EFCAB8: variants seen among roughly 807,000 people sequenced by gnomAD.
EFCAB8 encodes the protein EF-hand calcium-binding domain-containing protein 8.
Under a neutral mutation model 116.3 loss-of-function variants are expected in EFCAB8, and 100 were observed. The ratio of observed to expected loss-of-function variants is 0.86; its 90% CI spans 0.73 to 1.02. EFCAB8 has a LOEUF of 1.02. EFCAB8 is among the 50% of genes least tolerant of loss of function. EFCAB8 has a pLI of 0.00. For missense variants in EFCAB8, 1,320 were observed against 1,416.9 expected (o/e 0.93, Z 1.10); for synonymous variants, 558 against 567.9 (o/e 0.98, Z 0.25).
chr20:32,886,726 G>A (rs1298829215), intron 6 of EFCAB8, among the ~76,000 whole-genome samples: 3 of 152,192 alleles, frequency 2.0e-5, no homozygotes, highest in African/African-American at 7.2e-5. Context: ...GGTCACCAAA[G>A]CACCTCCAAA....
intron 22 of EFCAB8, among the ~76,000 whole-genome samples, chr20:32,932,063 T>G (rs1399039538): frequency 6.6e-6 from 1 of 152,122 alleles, no homozygotes; most frequent in Non-Finnish European, 1.5e-5. Flanking sequence ...GATCATGCAG[T>G]TGTATTCAGT....
Position 32,889,318 on chromosome 20 carries a change from G to C in EFCAB8, c.585G>C (p.Gln195His), listed in dbSNP as rs529027446. 1.3e-6 allele frequency: 2 copies of C among 1,551,656 alleles called. No homozygotes were observed. The highest frequency in any genetic ancestry group is 2.0e-5 in the Admixed American group (1 of 50,994). ...MSSFRLNQTQ[Q>H]LYNQPMWVID... is the part of the protein sequence containing the mutation. ...CTGGCCAGCTTAACCAGACCCAGCA[G>C]CTCTACAACCAGCCGATGTGGGTCA... Residue 195 changes from glutamine (Q) to histidine (H), a missense_variant, in exon 7 of 27, where the codon CAG becomes CAC. Gln to His is a conservative substitution (Grantham distance 24). Transcript: ENST00000400522.
At chr20:32,888,297 C>T (rs1985737520) in intron 6 of EFCAB8, among the ~76,000 whole-genome samples, 1 of 152,164 alleles carries the variant, frequency 6.6e-6, no homozygotes, top group African/African-American at 2.4e-5. Flanking sequence ...GTGATCTCAG[C>T]TCACTGCAGC....
chr20:32,931,311 A>G lies in EFCAB8; in HGVS notation c.2765A>G (p.His922Arg), dbSNP rs569465298. The G allele has an allele frequency of 9.0e-6, 14 of 1,549,648 alleles. No homozygotes were observed. In the African/African-American group the frequency reaches 1.5e-4, roughly 17 times the overall value. Residue 922 changes from histidine to arginine, a missense_variant, in exon 22 of 27, where the codon CAC becomes CGC. Physicochemically the swap from His to Arg is conservative, Grantham distance 29. Transcript: ENST00000400522. The stretch of plus-strand genomic sequence containing the variant: ...CAGCAACTTGGGACCAACTTCCCAC[A>G]CTACATTCCCTTGGAGGATAAAGAG... The part of the protein sequence containing the change: ...IPQQLGTNFP[H>R]YIPLEDKEVV...
intron 15 of EFCAB8, 39 bp from the exon 16 acceptor site, chr20:32,911,441 C>A (rs949577314): frequency 2.8e-6 from 4 of 1,437,052 alleles, no homozygotes; most frequent in Non-Finnish European, 3.7e-6. Flanking sequence ...GTGGAGGCCC[C>A]GGCCTCTCCA....
rs982698946 is a variant in EFCAB8 at position 32,961,120 on chromosome 20, A to C, written c.3394-16A>C. ...AACTGGTGCCCCATTCCCGCTCCCC[A>C]CTCTGTTCCCTGCAGATCTCGCCTC... is the stretch of plus-strand genomic sequence containing the variant. On this transcript the variant is annotated splice_polypyrimidine_tract_variant and intron_variant, in intron 26 of 26. Transcript: ENST00000400522. 2.6e-6 allele frequency: 4 copies of C among 1,550,148 alleles called. No individual in the cohort carries two copies. The highest frequency in any genetic ancestry group is 3.5e-6 in the Non-Finnish European group (4 of 1,145,718).
chr20:32,876,200 G>A (rs1234954481), intron 4 of EFCAB8, among the ~76,000 whole-genome samples, 156 bp downstream of exon 4: 7 of 152,186 alleles, frequency 4.6e-5, no homozygotes, highest in Admixed American at 3.3e-4. Flanking sequence ...TGGTGGAGAC[G>A]TCCCTCCTAA....
intron 8 of EFCAB8, 25 bp from the exon 9 acceptor site, chr20:32,893,149 C>T (rs1303114491): frequency 1.9e-6 from 3 of 1,551,434 alleles, no homozygotes; most frequent in African/African-American, 2.7e-5. Context: ...CCCACACAAC[C>T]TCTTCCGTCT....
At chr20:32,893,931 G>C (rs1251668966) in intron 9 of EFCAB8, among the ~76,000 whole-genome samples, 1 of 152,210 alleles carries the variant, frequency 6.6e-6, no homozygotes, top group Non-Finnish European at 1.5e-5. Context: ...GCCCCTGCCT[G>C]GTGAGTGGGG....
At chr20:32,863,751 G>A (rs775192982) in intron 1 of EFCAB8, 32 bp from the exon 2 acceptor site, 3 of 1,545,930 alleles carry the variant, frequency 1.9e-6, no homozygotes, top group Non-Finnish European at 2.6e-6. Flanking sequence ...TACAACGACT[G>A]GAGTTAAGTT....
At chr20:32,887,380 A>C (rs1463409289) in intron 6 of EFCAB8, among the ~76,000 whole-genome samples, 1 of 152,162 alleles carries the variant, frequency 6.6e-6, no homozygotes, top group Non-Finnish European at 1.5e-5. Context: ...GTTTGAGACC[A>C]GACTGGCCAC....
intron 5 of EFCAB8, among the ~76,000 whole-genome samples, chr20:32,884,844 G>T (rs1032607585): frequency 2.0e-5 from 3 of 152,176 alleles, no homozygotes; most frequent in Non-Finnish European, 2.9e-5. Flanking sequence ...GAGTGGCAGG[G>T]ACTCTCAATG....
At chr20:32,867,331 C>T (rs1336978746) in intron 2 of EFCAB8, among the ~76,000 whole-genome samples, 1 of 152,190 alleles carries the variant, frequency 6.6e-6, no homozygotes, top group African/African-American at 2.4e-5. Flanking sequence ...TGGCTGTATC[C>T]TCCCTGAGCC....
At chr20:32,957,824 A>T (rs149176291) in intron 23 of EFCAB8, among the ~76,000 whole-genome samples, 1,674 of 151,052 alleles carry the variant, frequency 0.011, 14 homozygotes, top group Non-Finnish European at 0.016. Flanking sequence ...TCTTGGAAAG[A>T]CTTGTCCCTT....
chr20:32,892,316 TTC>T lies in EFCAB8; in HGVS notation c.758+20_758+21del. 1.9e-6 allele frequency: 3 copies of T among 1,550,462 alleles called. No individual in the cohort carries two copies. Among genetic ancestry groups the T allele is most frequent in the Non-Finnish European group, 2.6e-6 (3 of 1,146,360 alleles). ...ACTACTGGTGAGTCTCCACTGGGTG[TTC>T]CTCACATGAACCAGGAGGCCCAGGC... On this transcript the variant is annotated intron_variant, in intron 8 of 26. Coordinates refer to ENST00000400522, the MANE Select transcript of EFCAB8 (RefSeq NM_001143967.2).
chr20:32,911,821 A>C, intron 16 of EFCAB8, 114 bp downstream of exon 16: 1 of 1,087,994 alleles, frequency 9.2e-7, no homozygotes, highest in Non-Finnish European at 1.4e-6. Context: ...TGTTCATCAT[A>C]GTCAGGTGGC....
chr20:32,872,505 G>A (rs996361584), intron 3 of EFCAB8, among the ~76,000 whole-genome samples: 13 of 152,102 alleles, frequency 8.5e-5, no homozygotes, highest in African/African-American at 2.7e-4. Flanking sequence ...GAGTGAAAGC[G>A]AGCTGGGCAC....
intron 23 of EFCAB8, among the ~76,000 whole-genome samples, chr20:32,946,414 T>C (rs995135833): frequency 6.6e-6 from 1 of 152,208 alleles, no homozygotes; most frequent in African/African-American, 2.4e-5. Flanking sequence ...TTTGTTTTTT[T>C]GGTTTTTGTT....
chr20:32,911,412 C>T (rs1986911796), intron 15 of EFCAB8, 68 bp from the exon 16 acceptor site: 6 of 1,361,826 alleles, frequency 4.4e-6, no homozygotes, highest in Non-Finnish European at 5.8e-6. Flanking sequence ...CCAAGGCAGG[C>T]TGGAGACCAC....
Sources: allele counts gnomAD v4.1 joint callset (sites outside exome capture counted in the v4.1 genomes callset), GRCh38; gene constraint gnomAD v4.1.1; transcripts MANE v1.5; gene names NCBI Gene and HGNC (gene_info 2026-07-23, HGNC 2026-07-21).